The following RBFOX3 variants were observed in gnomAD, a reference collection of about 807,000 sequenced individuals.
RBFOX3 encodes RNA binding protein fox-1 homolog 3.
RBFOX3 carries 17 observed loss-of-function variants against 48.7 expected under a neutral mutation model. The observed-to-expected ratio is 0.35, with a 90% CI of 0.24 to 0.52. RBFOX3 has a LOEUF of 0.52. Among genes scored for constraint, RBFOX3 ranks in the 20% least tolerant of loss-of-function variants. The pLI, the probability that RBFOX3 is intolerant of heterozygous loss-of-function variation, is 0.94. For missense variants in RBFOX3, 382 were observed against 497.5 expected, an observed-to-expected ratio of 0.77 and a Z score of 2.21; for synonymous variants, 212 against 209.5, an observed-to-expected ratio of 1.01 and a Z score of -0.10.
At chr17:79,512,818 C>T (rs2084600830) in intron 1 of RBFOX3, among the ~76,000 whole-genome samples, 1 of 149,402 alleles carries the variant, frequency 6.7e-6, no homozygotes, top group Non-Finnish European at 1.5e-5. Context: ...AGGGGACGCA[C>T]ACCCGGATAC....
rs955101489 is a variant in RBFOX3, at chr17:79,249,719, A to G, written c.-73-13914T>C. ...TTCCTTCCTAGGGAAACCACAGTCA[A>G]GACCCCTGCCCCTGTGAACCCCCAT... On this transcript the variant is annotated intron_variant, in intron 3 of 14. Transcript: ENST00000693108. This position sits in a 1 kb window ranked among gnomAD's most constrained non-coding sequence, Gnocchi z 4.1. 1.3e-5 allele frequency among the ~76,000 whole-genome samples: 2 copies of G among 152,036 alleles called. No homozygotes were observed. The highest frequency in any genetic ancestry group is 3.9e-4 in the East Asian group (2 of 5,180).
rs192240981 is a variant in RBFOX3, at chr17:79,443,869, G to T, written c.-175+38585C>A. ...GGAGGGGCAGGCTGCAGAGAACTCAGAATGCCAACAAGGAGAACAGAAATC... is the reference window on the plus strand; with the variant it reads ...GGAGGGGCAGGCTGCAGAGAACTCATAATGCCAACAAGGAGAACAGAAATC... On this transcript the variant is annotated intron_variant, in intron 2 of 14. Coordinates refer to ENST00000693108, the MANE Select transcript of RBFOX3 (RefSeq NM_001350451.2). The surrounding 1 kb of genome is among the most constrained non-coding windows in gnomAD (Gnocchi z 4.4). 6.6e-6 allele frequency among the ~76,000 whole-genome samples: 1 copy of T among 152,292 alleles called. No homozygotes were observed. The highest frequency in any genetic ancestry group is 2.4e-5 in the African/African-American group (1 of 41,560).
intron 1 of RBFOX3, among the ~76,000 whole-genome samples, chr17:79,582,782 CAAAAAAAAAAA>C (rs36155299): frequency 9.0e-4 from 42 of 46,910 alleles, no homozygotes; most frequent in African/African-American, 4.0e-3. Context: ...GACCCCGTCT[CAAAAAAAAAAA>C]AAAAAAAAAA....
intron 3 of RBFOX3, among the ~76,000 whole-genome samples, chr17:79,257,060 G>T (rs2064996859): frequency 6.6e-6 from 1 of 152,216 alleles, no homozygotes; most frequent in Admixed American, 6.5e-5. Flanking sequence ...CTACCGTGAG[G>T]CAGCAGACGG....
chr17:79,174,368 T>TGC (rs1048517493), intron 4 of RBFOX3, among the ~76,000 whole-genome samples: 1 of 146,538 alleles, frequency 6.8e-6, no homozygotes, highest in African/African-American at 2.6e-5. Flanking sequence ...CACAGACACA[T>TGC]GCGCACACAC....
intron 2 of RBFOX3, among the ~76,000 whole-genome samples, chr17:79,348,403 G>A (rs1256303840): frequency 6.6e-6 from 1 of 151,938 alleles, no homozygotes; most frequent in Non-Finnish European, 1.5e-5. Flanking sequence ...GCCCACCCCT[G>A]CTCCAGGCCA....
chr17:79,396,680 C>A (rs1286560172), intron 2 of RBFOX3, among the ~76,000 whole-genome samples: 7 of 152,258 alleles, frequency 4.6e-5, no homozygotes, highest in Non-Finnish European at 1.0e-4. Flanking sequence ...CATTGTCCAG[C>A]TGGCCTGGGT....
intron 2 of RBFOX3, among the ~76,000 whole-genome samples, chr17:79,341,806 C>T (rs963169723): frequency 6.6e-6 from 1 of 152,222 alleles, no homozygotes; most frequent in Non-Finnish European, 1.5e-5. Flanking sequence ...TCTCATAAAC[C>T]ATGTGCCCCT....
intron 1 of RBFOX3, among the ~76,000 whole-genome samples, chr17:79,524,974 T>C (rs2086607993): frequency 6.6e-6 from 1 of 152,160 alleles, no homozygotes; most frequent in South Asian, 2.1e-4. Context: ...CATAATTGGC[T>C]AACAAGGATT....
intron 2 of RBFOX3, among the ~76,000 whole-genome samples, chr17:79,356,366 T>TTTTTTTTTTTG (rs2085059221): frequency 5.7e-5 from 6 of 105,936 alleles, no homozygotes; most frequent in Non-Finnish European, 9.8e-5. Flanking sequence ...TTTTTTTTTT[T>TTTTTTTTTTTG]TTTTTTTTTT....
At chr17:79,448,510 C>T (rs1296823513) in intron 2 of RBFOX3, among the ~76,000 whole-genome samples, 1 of 152,170 alleles carries the variant, frequency 6.6e-6, no homozygotes, top group African/African-American at 2.4e-5. Flanking sequence ...GGGACTGCAG[C>T]AATGCCTCTC....
At chr17:79,547,959 C>G (rs1555792474) in intron 1 of RBFOX3, among the ~76,000 whole-genome samples, 1 of 152,230 alleles carries the variant, frequency 6.6e-6, no homozygotes, top group Non-Finnish European at 1.5e-5. Flanking sequence ...CGAGGGCTGG[C>G]CATCCCCTGA....
intron 3 of RBFOX3, among the ~76,000 whole-genome samples, chr17:79,304,678 A>G (rs9904783): frequency 0.048 from 7,356 of 152,254 alleles, 314 homozygotes; most frequent in East Asian, 0.22. Flanking sequence ...TTGAAAAAGA[A>G]AATTATTGAT....
chr17:79,640,206 C>T, the RBFOX3 span, among the ~76,000 whole-genome samples: 1 of 152,044 alleles, frequency 6.6e-6, no homozygotes, highest in South Asian at 2.1e-4. Context: ...AAAGTAATCC[C>T]ATTCACAATA....
chr17:79,202,026 T>G (rs1482464090), intron 4 of RBFOX3, among the ~76,000 whole-genome samples: 1 of 152,170 alleles, frequency 6.6e-6, no homozygotes, highest in Non-Finnish European at 1.5e-5. Flanking sequence ...GCTGTCACAG[T>G]CCTGGGGTGC....
chr17:79,545,127 T>C (rs1357988313), intron 1 of RBFOX3, among the ~76,000 whole-genome samples: 3 of 152,306 alleles, frequency 2.0e-5, no homozygotes, highest in Non-Finnish European at 2.9e-5. Flanking sequence ...TCATCTTCAT[T>C]GCTGAGAGCA....
At chr17:79,221,055 G>T (rs1232747609) in intron 4 of RBFOX3, among the ~76,000 whole-genome samples, 1 of 152,230 alleles carries the variant, frequency 6.6e-6, no homozygotes, top group Non-Finnish European at 1.5e-5. Flanking sequence ...CTGGGGGCTA[G>T]GACCTTTGAG....
intron 4 of RBFOX3, among the ~76,000 whole-genome samples, chr17:79,155,004 C>A (rs2045456826): frequency 1.3e-5 from 2 of 151,970 alleles, no homozygotes; most frequent in Non-Finnish European, 2.9e-5. Flanking sequence ...GAAGGGGTGG[C>A]AGCCGTGCCA....
intron 3 of RBFOX3, among the ~76,000 whole-genome samples, chr17:79,291,128 A>G (rs2073178709): frequency 6.6e-6 from 1 of 152,240 alleles, no homozygotes; most frequent in Non-Finnish European, 1.5e-5. Context: ...TGAGGAAGAA[A>G]GTTATTTAGT....
Sources: gnomAD v4.1 joint callset for allele counts (sites outside exome capture counted in the v4.1 genomes callset) on GRCh38, gnomAD v4.1.1 for gene constraint, Gnocchi (gnomAD v3.1) non-coding constraint, MANE v1.5 for transcripts, NCBI Gene and HGNC (gene_info 2026-07-23, HGNC 2026-07-21) for gene names.